Variants in BEND2 observed in about 807,000 individuals in gnomAD.
BEND2 encodes the protein BEN domain-containing protein 2.
BEND2 carries 19 observed loss-of-function variants against 43.8 expected under a neutral mutation model. The ratio of observed to expected loss-of-function variants is 0.43; its 90% CI spans 0.30 to 0.64. The LOEUF (loss-of-function observed/expected upper bound fraction) is 0.64, where lower values mean the gene tolerates loss of function less well. Ranked by LOEUF, BEND2 falls within the 30% of genes least tolerant of loss-of-function variation. The pLI is 0.11. For synonymous variants in BEND2, 226 were observed against 210.1 expected (o/e 1.08, Z -0.66); for missense variants, 544 against 574.0 (o/e 0.95, Z 0.53).
At chrX:18,189,404 G>C (rs1924683954) in intron 8 of BEND2, among the ~76,000 whole-genome samples, 1 of 110,505 alleles carries the variant, frequency 9.0e-6, no homozygotes, top group Admixed American at 9.7e-5. Context: ...CAGCTACTTG[G>C]GAGGCTGAGT....
chrX:18,205,404 A>C (rs1221038332), intron 4 of BEND2, among the ~76,000 whole-genome samples: 1 of 108,044 alleles, frequency 9.3e-6, no homozygotes, highest in African/African-American at 3.4e-5. Flanking sequence ...TCTCTAACAA[A>C]AAACAACAAC....
At chrX:18,197,252 T>C (rs758258751) in intron 6 of BEND2, among the ~76,000 whole-genome samples, 1 of 111,047 alleles carries the variant, frequency 9.0e-6, no homozygotes, top group East Asian at 2.8e-4. Flanking sequence ...CTGGCCAACA[T>C]GGTGAAACCC....
intron 4 of BEND2, among the ~76,000 whole-genome samples, chrX:18,207,246 A>C (rs186534101): frequency 1.2e-3 from 133 of 112,420 alleles, no homozygotes; most frequent in African/African-American, 3.9e-3. Flanking sequence ...ATTTTAGCTC[A>C]TTCCATTCAA....
intron 4 of BEND2, among the ~76,000 whole-genome samples, chrX:18,206,889 C>T (rs978366386): frequency 8.9e-6 from 1 of 111,819 alleles, no homozygotes; most frequent in African/African-American, 3.2e-5. Flanking sequence ...TATGAAAGAA[C>T]AAGGCAAGCT....
At chrX:18,176,891 A>G (rs1015542241) in intron 10 of BEND2, among the ~76,000 whole-genome samples, 15 of 110,091 alleles carry the variant, frequency 1.4e-4, no homozygotes, top group Admixed American at 1.2e-3. Context: ...CCTTCTACCT[A>G]CTGAAGGAGT....
chrX:18,184,594 T>C, intron 8 of BEND2, among the ~76,000 whole-genome samples: 2 of 112,390 alleles, frequency 1.8e-5, no homozygotes, highest in Middle Eastern at 4.6e-3. Context: ...ATTACTGGAC[T>C]TGGGGTGTCC....
At chrX:18,216,796 A>G (rs1925689773) in intron 1 of BEND2, 63 bp from the exon 2 acceptor site, 2 of 865,775 alleles carry the variant, frequency 2.3e-6, no homozygotes, top group South Asian at 4.5e-5. Flanking sequence ...TTTCTTGAGG[A>G]AGCTACCTTA....
chrX:18,205,674 A>G (rs1267565631), intron 4 of BEND2, among the ~76,000 whole-genome samples: 1 of 105,542 alleles, frequency 9.5e-6, no homozygotes, highest in Non-Finnish European at 1.9e-5. Flanking sequence ...GCTGGGAGAG[A>G]GACAAGTAAA....
chrX:18,185,737 C>G (rs1222752058), intron 8 of BEND2, among the ~76,000 whole-genome samples: 1 of 109,710 alleles, frequency 9.1e-6, no homozygotes. Context: ...AGAAAAGAAA[C>G]AAACAACATA....
intron 2 of BEND2, among the ~76,000 whole-genome samples, chrX:18,214,801 ACT>A (rs1207294652): frequency 3.9e-5 from 3 of 77,426 alleles, no homozygotes; most frequent in Non-Finnish European, 7.3e-5. Flanking sequence ...ACAGAGAGAG[ACT>A]CTGTCTCAAA....
chrX:18,169,625 T>G (rs1203230647), intron 13 of BEND2, among the ~76,000 whole-genome samples: 3 of 111,836 alleles, frequency 2.7e-5, no homozygotes, highest in African/African-American at 6.5e-5. Flanking sequence ...GAAACAGACT[T>G]TCTTGTCAGC....
At chrX:18,173,401 T>C (rs1429671809) in intron 12 of BEND2, among the ~76,000 whole-genome samples, 1 of 112,088 alleles carries the variant, frequency 8.9e-6, no homozygotes, top group African/African-American at 3.2e-5. Flanking sequence ...TAATTTCGTT[T>C]GAAAAGGATC....
At chrX:18,174,688 G>T (rs1388739394) in intron 11 of BEND2, among the ~76,000 whole-genome samples, 1 of 111,814 alleles carries the variant, frequency 8.9e-6, no homozygotes, top group Non-Finnish European at 1.9e-5. Flanking sequence ...AAATGGTTGT[G>T]CTGGGCCCCA....
At chrX:18,196,567 G>A (rs1409998691) in intron 6 of BEND2, among the ~76,000 whole-genome samples, 1 of 109,206 alleles carries the variant, frequency 9.2e-6, no homozygotes, top group Non-Finnish European at 1.9e-5. Context: ...GGAAATAATG[G>A]CCTTCAATTG....
Position 18,195,459 on chromosome X carries a change from A to G in BEND2, c.1034-17T>C, listed in dbSNP as rs759555474. 10 of 1,173,440 alleles carry G rather than the reference A, an allele frequency of 8.5e-6. No homozygotes were observed. In the African/African-American group the frequency reaches 1.8e-4, roughly 21 times the overall value. ...TTTTCTCAGCTATTGGGAAAAAAAA[A>G]GAATGCTCAATCATAAATTCTACAT... is the stretch of plus-strand genomic sequence containing the variant. On this transcript the variant is annotated splice_polypyrimidine_tract_variant and intron_variant, in intron 6 of 13. Coordinates refer to ENST00000380033, the MANE Select transcript of BEND2 (RefSeq NM_153346.5).
chrX:18,197,889 G>C (rs1925010382), intron 6 of BEND2, among the ~76,000 whole-genome samples: 1 of 111,137 alleles, frequency 9.0e-6, no homozygotes, highest in African/African-American at 3.3e-5. Flanking sequence ...TCTTGTGATA[G>C]TGAATAACTC....
At chrX:18,169,155 A>AAAAATAAAAT (rs201767881) in intron 13 of BEND2, among the ~76,000 whole-genome samples, 17 of 110,632 alleles carry the variant, frequency 1.5e-4, no homozygotes, top group African/African-American at 5.3e-4. Context: ...AAAAAAAAGA[A>AAAAATAAAAT]AAAATAAAAT....
chrX:18,179,254 G>T (rs1924292678), intron 9 of BEND2, among the ~76,000 whole-genome samples: 1 of 101,152 alleles, frequency 9.9e-6, no homozygotes, highest in African/African-American at 3.7e-5. Context: ...AAACTTCCGG[G>T]CTGCTCAAGT....
rs1374329585 is a variant in BEND2 at position 18,177,697 on chromosome X, T to C, written c.1502A>G (p.Lys501Arg). ...IHLLAVQNMA[K>R]PKQAACYLVR... ...CAAGTAGCAGGCTGCTTGCTTAGGT[T>C]TGGCCATATTTTGTACGGCCAGCAA... The change falls in exon 10 of 14, where the codon AAA (lysine) becomes AGA (arginine). Residue 501 changes from lysine to arginine, a missense_variant. Around this residue, in one of 2 missense-constraint regions of BEND2, gnomAD observed 501 missense variants for 501.6 expected, o/e 1.00. Transcript: ENST00000380033. The C allele has an allele frequency of 2.5e-6, 3 of 1,210,966 alleles. No homozygotes were observed. Among genetic ancestry groups the C allele is most frequent in the South Asian group, 3.5e-5 (2 of 56,922 alleles).
Sources: gnomAD v4.1 joint callset for allele counts (sites outside exome capture counted in the v4.1 genomes callset) on GRCh38, gnomAD v4.1.1 for gene constraint, gnomAD v4.1.1 regional missense constraint, MANE v1.5 for transcripts, NCBI Gene and HGNC (gene_info 2026-07-23, HGNC 2026-07-21) for gene names.